Variants in LOXHD1 observed in about 807,000 individuals in gnomAD.
LOXHD1 encodes the protein lipoxygenase homology domain-containing protein 1.
Under a neutral mutation model 248.2 loss-of-function variants are expected in LOXHD1, and 205 were observed. That is an observed-to-expected ratio of 0.83 (90% CI 0.74 to 0.93). The LOEUF is 0.93. LOXHD1 is among the 40% of genes least tolerant of loss of function. The pLI is 0.00. For synonymous variants in LOXHD1, 1,113 were observed against 1,162.8 expected, an observed-to-expected ratio of 0.96 and a Z score of 0.87; for missense variants, 2,930 against 2,971.6, an observed-to-expected ratio of 0.99 and a Z score of 0.33.
At chr18:46,583,350 T>C (rs2037998189) in intron 12 of LOXHD1, among the ~76,000 whole-genome samples, 1 of 152,072 alleles carries the variant, frequency 6.6e-6, no homozygotes, top group East Asian at 1.9e-4. Context: ...ACAAAAACTT[T>C]TGCACAGCAA....
intron 18 of LOXHD1, 31 bp downstream of exon 18, chr18:46,563,034 G>C: frequency 6.6e-7 from 1 of 1,521,612 alleles, no homozygotes; most frequent in Non-Finnish European, 8.9e-7. Flanking sequence ...TGAGCCTGCT[G>C]TTGGCACCCC....
intron 4 of LOXHD1, among the ~76,000 whole-genome samples, chr18:46,634,963 C>T (rs189175088): frequency 5.5e-4 from 84 of 152,138 alleles, no homozygotes; most frequent in Non-Finnish European, 9.6e-4. Context: ...GCATATTTTA[C>T]CACAATTTTT....
intron 1 of LOXHD1, among the ~76,000 whole-genome samples, chr18:46,655,365 C>A (rs1280564420): frequency 6.6e-6 from 1 of 152,152 alleles, no homozygotes; most frequent in Admixed American, 6.5e-5. Context: ...GGAGAACGAT[C>A]ATTATGGCCA....
intron 1 of LOXHD1, among the ~76,000 whole-genome samples, chr18:46,654,853 G>A (rs935832823): frequency 1.3e-5 from 2 of 152,154 alleles, no homozygotes; most frequent in South Asian, 2.1e-4. Context: ...AAATGTCAGC[G>A]TGGCACCCAC....
chr18:46,563,225 A>T lies in LOXHD1; in HGVS notation c.2438T>A (p.Leu813Ter), dbSNP rs1184082805. The change falls in exon 18 of 41, where the codon TTG (leucine) becomes TAG (stop). Residue 813 changes from leucine (L) to a stop codon, truncating the protein, a stop_gained and splice_region_variant. Coordinates refer to ENST00000642948, the MANE Select transcript of LOXHD1 (RefSeq NM_001384474.1). LOFTEE classifies it high-confidence loss of function. ...CCAAATCTCAACCTCATAGTGGACCACTGGGTGGGCACGTGCAGAAGAAGT... is the reference window on the plus strand; with the variant it reads ...CCAAATCTCAACCTCATAGTGGACCTCTGGGTGGGCACGTGCAGAAGAAGT... ...YPSEVVEIQK[L>*]VHYEVEIWTG... 2 of 1,500,062 alleles carry T rather than the reference A, an allele frequency of 1.3e-6. No individual in the cohort carries two copies. Among genetic ancestry groups the T allele is most frequent in the South Asian group, 2.5e-5 (2 of 79,574 alleles). The allele number at this position is 1,500,062 out of a possible 1,614,324, so 92.9% of individuals were successfully genotyped here. A position where few individuals can be genotyped will look rare whatever the true frequency, so the allele number is the denominator to read the frequency against.
Position 46,541,896 on chromosome 18 carries a change from G to A in LOXHD1, c.3793C>T (p.Pro1265Ser). The change falls in exon 25 of 41, where the codon CCA becomes TCA. Residue 1265 changes from proline to serine, a missense_variant. Transcript: ENST00000642948. ...WFVDWVEVDA[P>S]SLGKCMTFPC... The stretch of plus-strand genomic sequence containing the variant: ...AACGTCATGCACTTCCCAAGAGATG[G>A]GGCATCCACCTCTACCCAGTCTACA... 2 of 1,551,670 alleles carry A rather than the reference G, an allele frequency of 1.3e-6. No individual in the cohort carries two copies. Among genetic ancestry groups the A allele is most frequent in the African/African-American group, 1.4e-5 (1 of 73,140 alleles).
At chr18:46,568,816 T>A (rs959442966) in intron 16 of LOXHD1, among the ~76,000 whole-genome samples, 3 of 152,220 alleles carry the variant, frequency 2.0e-5, no homozygotes, top group Non-Finnish European at 4.4e-5. Context: ...CTTTTCCTGA[T>A]GGCAGTGGTA....
Position 46,593,714 on chromosome 18 carries a change from A to G in LOXHD1, c.1317T>C (p.Ala439=). The change falls in exon 10 of 41, where the codon GCT becomes GCC. Residue 439 remains alanine, a synonymous_variant. Transcript: ENST00000642948. The part of the protein sequence containing the change: ...LWVWTTDLKK[A]GTNSPIFIQI... The stretch of plus-strand genomic sequence containing the variant: ...GGATGAAGATGGGAGAGTTGGTACC[A>G]GCTTTCTTTAGGTCGGTTGTCCAGA... 1.3e-6 allele frequency: 2 copies of G among 1,552,186 alleles called. No individual in the cohort carries two copies. Among genetic ancestry groups the G allele is most frequent in the Non-Finnish European group, 1.7e-6 (2 of 1,147,102 alleles).
intron 37 of LOXHD1, among the ~76,000 whole-genome samples, chr18:46,495,073 C>G (rs2033768450): frequency 6.6e-6 from 1 of 151,934 alleles, no homozygotes; most frequent in Non-Finnish European, 1.5e-5. Context: ...TCACCGTGGT[C>G]TCGATCTCCT....
chr18:46,560,845 C>T (rs1380979648), intron 18 of LOXHD1, among the ~76,000 whole-genome samples: 1 of 141,324 alleles, frequency 7.1e-6, no homozygotes, highest in Non-Finnish European at 1.5e-5. Flanking sequence ...TATACACACA[C>T]ACACGCACGC....
At chr18:46,520,271 A>G in intron 33 of LOXHD1, 1 of 470,900 alleles carries the variant, frequency 2.1e-6, no homozygotes, top group Non-Finnish European at 4.4e-6. Flanking sequence ...GGCAGAGCAC[A>G]CTCAGGTCCA....
At chr18:46,618,875 T>G (rs1405402936) in intron 4 of LOXHD1, among the ~76,000 whole-genome samples, 6 of 152,218 alleles carry the variant, frequency 3.9e-5, no homozygotes, top group Non-Finnish European at 1.5e-5. Context: ...GTGGCTGGCA[T>G]GCTTAGGGCT....
chr18:46,566,560 C>G (rs2037646712), intron 16 of LOXHD1, 111 bp from the exon 17 acceptor site: 1 of 924,664 alleles, frequency 1.1e-6, no homozygotes, highest in African/African-American at 1.6e-5. Context: ...GTCTCCAGTC[C>G]CCAGGAGAGG....
Position 46,623,110 on chromosome 18 carries a change from C to T in LOXHD1, c.512-4820G>A, listed in dbSNP as rs180770880. ...TCCCTAGAGTTGATTTCTCTCTGGC[C>T]TTTTAGCAGGGCTACCATTAGCCTA... On this transcript the variant is annotated intron_variant, in intron 4 of 40. Coordinates refer to ENST00000642948, the MANE Select transcript of LOXHD1 (RefSeq NM_001384474.1). Among the ~76,000 whole-genome samples, 918 of 152,282 alleles carry T rather than the reference C, an allele frequency of 6.0e-3. 11 individuals carry two copies. The highest frequency in any genetic ancestry group is 0.021 in the African/African-American group (884 of 41,558).
chr18:46,593,505 G>A (rs2038209142), intron 10 of LOXHD1, 95 bp downstream of exon 10: 2 of 1,408,812 alleles, frequency 1.4e-6, no homozygotes, highest in African/African-American at 1.4e-5. Flanking sequence ...TTCAAACTTG[G>A]TCCAAAACCT....
At chr18:46,631,181 C>T (rs971764353) in intron 4 of LOXHD1, among the ~76,000 whole-genome samples, 2 of 152,094 alleles carry the variant, frequency 1.3e-5, no homozygotes, top group South Asian at 2.1e-4. Flanking sequence ...AGGAGGAGAC[C>T]GCAGTGTTAC....
intron 6 of LOXHD1, among the ~76,000 whole-genome samples, chr18:46,609,590 T>C (rs889930286): frequency 2.6e-5 from 4 of 152,238 alleles, no homozygotes; most frequent in African/African-American, 9.6e-5. Context: ...AGAAATATTA[T>C]ACGTTGATGT....
At chr18:46,557,205 A>G (rs1387874878) in intron 21 of LOXHD1, 151 bp downstream of exon 21, 13 of 617,148 alleles carry the variant, frequency 2.1e-5, no homozygotes, top group Non-Finnish European at 2.9e-5. Context: ...TGTCACGGCC[A>G]GTACACCTCA....
chr18:46,576,517 C>A (rs575935227), intron 14 of LOXHD1, among the ~76,000 whole-genome samples: 1 of 152,324 alleles, frequency 6.6e-6, no homozygotes, highest in Non-Finnish European at 1.5e-5. Context: ...TTTCCTCTCC[C>A]TCTGTCCACT....
Sources: gnomAD v4.1 joint callset for allele counts (sites outside exome capture counted in the v4.1 genomes callset) on GRCh38, gnomAD v4.1.1 for gene constraint, MANE v1.5 for transcripts, NCBI Gene and HGNC (gene_info 2026-07-23, HGNC 2026-07-21) for gene names.